HIP1: variants seen among roughly 807,000 people sequenced by gnomAD.
The protein encoded by HIP1 is huntingtin-interacting protein 1.
Under a neutral mutation model 147.6 loss-of-function variants are expected in HIP1, and 65 were observed. The ratio of observed to expected loss-of-function variants is 0.44; its 90% confidence interval spans 0.36 to 0.54. The LOEUF (loss-of-function observed/expected upper bound fraction) is 0.54, where lower values mean the gene tolerates loss of function less well. Among genes scored for constraint, HIP1 ranks in the 20% least tolerant of loss-of-function variants. HIP1 has a pLI of 0.00. For synonymous variants in HIP1, 479 were observed against 504.0 expected (o/e 0.95, Z 0.67); for missense variants, 1,061 against 1,299.6 (o/e 0.82, Z 2.82).
At chr7:75,704,936 A>C (rs1431291848) in intron 1 of HIP1, among the ~76,000 whole-genome samples, 3 of 152,166 alleles carry the variant, frequency 2.0e-5, no homozygotes, top group Non-Finnish European at 4.4e-5. Flanking sequence ...TTGGAATTCC[A>C]CCTTATCCCA....
At chr7:75,636,029 A>C (rs1357126546) in intron 1 of HIP1, among the ~76,000 whole-genome samples, 1 of 143,204 alleles carries the variant, frequency 7.0e-6, no homozygotes, top group African/African-American at 2.7e-5. Context: ...TGTCTCAAAA[A>C]AAAAAAAAAA....
At chr7:75,567,756 G>A (rs916763890) in intron 9 of HIP1, among the ~76,000 whole-genome samples, 1 of 146,404 alleles carries the variant, frequency 6.8e-6, no homozygotes, top group African/African-American at 2.8e-5. Context: ...AGCCGAGATC[G>A]TGCCATTGCC....
At position 75,680,187 on chromosome 7, in the gene HIP1, C is replaced by T. The variant is rs371329397; in HGVS notation, c.120+58614G>A. On this transcript the variant is annotated intron_variant, in intron 1 of 30. Coordinates refer to ENST00000336926, the MANE Select transcript of HIP1 (RefSeq NM_005338.7). Reference sequence around the variant, plus strand: ...CCTCCTGAATAGCTGGGATTACAGGCGACAGCCACCACACCCAGCTAATTT... The same window carrying T: ...CCTCCTGAATAGCTGGGATTACAGGTGACAGCCACCACACCCAGCTAATTT... Among the ~76,000 whole-genome samples, 335 of 152,222 alleles carry T rather than the reference C, an allele frequency of 2.2e-3. 1 individual carries two copies. The highest frequency in any genetic ancestry group is 5.8e-3 in the African/African-American group (240 of 41,554).
At chr7:75,557,434 G>A (rs1795057154) in intron 16 of HIP1, among the ~76,000 whole-genome samples, 2 of 152,104 alleles carry the variant, frequency 1.3e-5, no homozygotes, top group East Asian at 3.8e-4. Context: ...TCCTTGGAAA[G>A]CCTTTGTTGA....
At chr7:75,586,155 C>A (rs1796267537) in intron 5 of HIP1, among the ~76,000 whole-genome samples, 1 of 151,740 alleles carries the variant, frequency 6.6e-6, no homozygotes, top group Non-Finnish European at 1.5e-5. Flanking sequence ...GCTTCTGTAA[C>A]ATTTTCATAA....
chr7:75,624,681 G>A (rs1036222257), intron 1 of HIP1, among the ~76,000 whole-genome samples: 21 of 152,126 alleles, frequency 1.4e-4, no homozygotes, highest in African/African-American at 4.6e-4. Flanking sequence ...CTGGAGATCC[G>A]GCCCCCACTT....
At chr7:75,670,864 C>G (rs975499356) in intron 1 of HIP1, among the ~76,000 whole-genome samples, 1 of 140,894 alleles carries the variant, frequency 7.1e-6, no homozygotes, top group Non-Finnish European at 1.5e-5. Flanking sequence ...TTAAGCGATC[C>G]TCCTACCTCT....
intron 23 of HIP1, among the ~76,000 whole-genome samples, chr7:75,548,467 T>C (rs782018793): frequency 1.2e-4 from 18 of 147,274 alleles, no homozygotes; most frequent in Non-Finnish European, 2.0e-4. Context: ...TGGTCTCTCT[T>C]TTTTTTTTTT....
At chr7:75,721,320 G>T (rs1334487706) in intron 1 of HIP1, among the ~76,000 whole-genome samples, 1 of 151,994 alleles carries the variant, frequency 6.6e-6, no homozygotes, top group Non-Finnish European at 1.5e-5. Flanking sequence ...GTTGCAGTGA[G>T]CCGAGATTGC....
At chr7:75,595,187 CCTTTCTTTCTTTCTTTCTTTCTTTCTTT>C (rs587760351) in intron 2 of HIP1, among the ~76,000 whole-genome samples, 21 of 108,472 alleles carry the variant, frequency 1.9e-4, no homozygotes, top group East Asian at 2.7e-4. Context: ...GTGTAGGAGT[CCTTTCTTTCTTTCTTTCTTTCTTTCTTT>C]CTTTCTTTCT....
At chr7:75,660,398 G>A (rs1799274467) in intron 1 of HIP1, among the ~76,000 whole-genome samples, 1 of 151,966 alleles carries the variant, frequency 6.6e-6, no homozygotes, top group Admixed American at 6.6e-5. Flanking sequence ...ATGGTGGTGT[G>A]CACCAGTGGT....
At chr7:75,613,271 G>A (rs1270621254) in intron 1 of HIP1, among the ~76,000 whole-genome samples, 1 of 152,156 alleles carries the variant, frequency 6.6e-6, no homozygotes, top group African/African-American at 2.4e-5. Flanking sequence ...GTGAGCCTGG[G>A]AGAGTAGAGG....
At chr7:75,562,318 C>T (rs113358090) in intron 11 of HIP1, 148 bp from the exon 12 acceptor site, 6 of 610,418 alleles carry the variant, frequency 9.8e-6, no homozygotes, top group Admixed American at 5.2e-5. Flanking sequence ...GAGACAGGTT[C>T]TCGCTCTACT....
chr7:75,637,536 ATTTTTTTTTTTTTT>A lies in HIP1; in HGVS notation c.121-38303_121-38290del, dbSNP rs869251770. Reference sequence around the variant, plus strand: ...CTCCACCCCCATAGCTGCAGAGAGGATTTTTTTTTTTTTTTTTTTTTTTTTTTGAGAGGGAGTTC... The same window carrying A: ...CTCCACCCCCATAGCTGCAGAGAGGATTTTTTTTTTTTTGAGAGGGAGTTC... On this transcript the variant is annotated intron_variant, in intron 1 of 30. Transcript: ENST00000336926. 1.6e-4 allele frequency among the ~76,000 whole-genome samples: 11 copies of A among 70,870 alleles called. 2 individuals are homozygous for A. In the South Asian group the frequency reaches 6.5e-3, roughly 42 times the overall value. 46.5% of individuals were successfully genotyped at this position (70,870 alleles called of 152,430 possible). A position where few individuals can be genotyped will look rare whatever the true frequency, so the allele number is the denominator to read the frequency against.
At chr7:75,645,266 C>G (rs1798766454) in intron 1 of HIP1, among the ~76,000 whole-genome samples, 2 of 151,588 alleles carry the variant, frequency 1.3e-5, no homozygotes, top group South Asian at 2.1e-4. Flanking sequence ...CACTCTTGTT[C>G]CCCAGGCTGG....
At chr7:75,734,611 T>C (rs1177785554) in intron 1 of HIP1, among the ~76,000 whole-genome samples, 1 of 152,008 alleles carries the variant, frequency 6.6e-6, no homozygotes, top group Non-Finnish European at 1.5e-5. Context: ...CAGTGTTCAA[T>C]GGGGGCCACA....
chr7:75,676,575 G>A (rs1490480413), intron 1 of HIP1, among the ~76,000 whole-genome samples: 2 of 151,660 alleles, frequency 1.3e-5, no homozygotes, highest in African/African-American at 2.4e-5. Context: ...TCAGGAGTTC[G>A]AGACCAGCCT....
chr7:75,560,052 T>C, intron 13 of HIP1, 137 bp from the exon 14 acceptor site: 1 of 802,560 alleles, frequency 1.2e-6, no homozygotes. Flanking sequence ...CCAGGAGGGT[T>C]GGACCATCTG....
intron 1 of HIP1, among the ~76,000 whole-genome samples, chr7:75,637,174 A>T (rs1798451891): frequency 6.6e-6 from 1 of 152,218 alleles, no homozygotes; most frequent in East Asian, 1.9e-4. Context: ...GGCCTTGAGA[A>T]GCAGGGAGGG....
Sources: allele counts gnomAD v4.1 joint callset (sites outside exome capture counted in the v4.1 genomes callset), GRCh38; gene constraint gnomAD v4.1.1; transcripts MANE v1.5; gene names NCBI Gene and HGNC (gene_info 2026-07-23, HGNC 2026-07-21).